Variants in ZRANB1 observed in about 807,000 individuals in gnomAD.
ZRANB1 encodes zinc finger RANBP2-type containing 1, also known as ubiquitin thioesterase ZRANB1.
ZRANB1 carries 16 observed loss-of-function variants against 80.5 expected under a neutral mutation model. That is an observed-to-expected ratio of 0.20 (90% CI 0.13 to 0.30). The LOEUF is 0.30. Ranked by LOEUF, ZRANB1 falls within the 10% of genes least tolerant of loss-of-function variation. The pLI, the probability that ZRANB1 is intolerant of heterozygous loss-of-function variation, is 1.00. For missense variants in ZRANB1, 576 were observed against 862.6 expected (o/e 0.67, Z 4.16); for synonymous variants, 291 against 293.1 (o/e 0.99, Z 0.07).
At chr10:124,927,216 A>C in the ZRANB1 span, among the ~76,000 whole-genome samples, 3 of 152,136 alleles carry the variant, frequency 2.0e-5, no homozygotes, top group Non-Finnish European at 4.4e-5. Context: ...CGGCCTCCCA[A>C]AGTGCTGGGA....
chr10:124,978,920 C>T (rs1424426879), intron 5 of ZRANB1, among the ~76,000 whole-genome samples: 11 of 134,222 alleles, frequency 8.2e-5, no homozygotes, highest in East Asian at 4.5e-4. Flanking sequence ...AATTATCGGC[C>T]GGGCCTGGTG....
chr10:124,926,625 CT>C, the ZRANB1 span, among the ~76,000 whole-genome samples: 9 of 148,434 alleles, frequency 6.1e-5, no homozygotes, highest in South Asian at 2.1e-4. Flanking sequence ...TTACAGTAGA[CT>C]TTTTTTTTTA....
chr10:124,919,784 T>G, the ZRANB1 span, among the ~76,000 whole-genome samples: 2 of 149,234 alleles, frequency 1.3e-5, no homozygotes, highest in African/African-American at 4.9e-5. Flanking sequence ...GCTAATTTTT[T>G]GTATTTTTAG....
At chr10:124,941,815 A>G (rs1951538564), upstream of ZRANB1, among the ~76,000 whole-genome samples, 1 of 152,156 alleles carries the variant, frequency 6.6e-6, no homozygotes, top group Non-Finnish European at 1.5e-5. Flanking sequence ...AGATAGAACT[A>G]GATTTTGAGG....
intron 5 of ZRANB1, 126 bp from the exon 6 acceptor site, chr10:124,981,583 C>A: frequency 1.1e-6 from 1 of 928,806 alleles, no homozygotes; most frequent in Non-Finnish European, 1.5e-6. Flanking sequence ...ACCAACCAGA[C>A]AAAATAAAAT....
chr10:124,947,885 G>A (rs182051765), intron 1 of ZRANB1, among the ~76,000 whole-genome samples: 206 of 152,242 alleles, frequency 1.4e-3, no homozygotes, highest in African/African-American at 4.6e-3. Context: ...ACAATCTGCT[G>A]TCATCAGAGG....
Position 124,972,153 on chromosome 10 carries a change from A to G in ZRANB1, c.1156+35A>G. On this transcript the variant is annotated intron_variant, in intron 3 of 8. Coordinates refer to ENST00000359653, the MANE Select transcript of ZRANB1 (RefSeq NM_017580.3). ...AAATCTAACGTAAAAAGACTTTTTT[A>G]TTTTATTATAGTTACATTTGTGTAT... The G allele has an allele frequency of 1.9e-6, 3 of 1,595,688 alleles. No individual in the cohort carries two copies. The South Asian group carries it at 3.4e-5, about 18-fold the overall frequency.
the ZRANB1 span, among the ~76,000 whole-genome samples, chr10:124,928,716 G>T: frequency 6.6e-6 from 1 of 152,188 alleles, no homozygotes; most frequent in Non-Finnish European, 1.5e-5. Flanking sequence ...TTCTATTTAC[G>T]CTCTAGTGTG....
chr10:124,943,338 G>A, intron 1 of ZRANB1, 31 bp downstream of exon 1: 1 of 1,581,972 alleles, frequency 6.3e-7, no homozygotes. Context: ...TTTTTTGCGT[G>A]GGATGGGAAA....
the ZRANB1 span, among the ~76,000 whole-genome samples, chr10:124,917,511 C>T: frequency 1.3e-5 from 2 of 152,142 alleles, no homozygotes; most frequent in Non-Finnish European, 2.9e-5. Flanking sequence ...GCTTGTTTAC[C>T]GACCGCCGGC....
chr10:124,961,356 A>G (rs1288183214), intron 1 of ZRANB1, among the ~76,000 whole-genome samples: 1 of 152,166 alleles, frequency 6.6e-6, no homozygotes, highest in Non-Finnish European at 1.5e-5. Flanking sequence ...GAATATTTTC[A>G]GTAATGTTTT....
At chr10:124,961,281 C>T in intron 1 of ZRANB1, among the ~76,000 whole-genome samples, 1 of 152,202 alleles carries the variant, frequency 6.6e-6, no homozygotes. Flanking sequence ...GCTAGGATTA[C>T]AGGCGTGAGC....
At chr10:124,945,167 C>T (rs976669441) in intron 1 of ZRANB1, 1 of 152,194 alleles carries the variant, frequency 6.6e-6, no homozygotes, top group Non-Finnish European at 1.5e-5. Context: ...TGTGTAACCA[C>T]TACCTCTGTG....
chr10:124,954,450 T>C (rs1364079620), intron 1 of ZRANB1, among the ~76,000 whole-genome samples: 1 of 150,764 alleles, frequency 6.6e-6, no homozygotes, highest in Non-Finnish European at 1.5e-5. Flanking sequence ...TTAAAAGTTT[T>C]TTTTTTTTTT....
At chr10:124,940,872 G>A (rs546609503), upstream of ZRANB1, among the ~76,000 whole-genome samples, 2 of 152,090 alleles carry the variant, frequency 1.3e-5, no homozygotes, top group Non-Finnish European at 2.9e-5. Flanking sequence ...GGCTACTTGG[G>A]AGGCTGAGGC....
In ZRANB1 at chr10:124,957,731, C is replaced by CTT. The variant is rs1004237882; in HGVS notation, c.815-8852_815-8851dup. On this transcript the variant is annotated intron_variant, in intron 1 of 8. Coordinates refer to ENST00000359653, the MANE Select transcript of ZRANB1 (RefSeq NM_017580.3). ...TGTGATCTGGGTCAGAATTTCCTTC[C>CTT]TTTTTTTTTTTTCGAGAGGAAGTTT... 3.4e-5 allele frequency among the ~76,000 whole-genome samples: 5 copies of CTT among 145,420 alleles called. 1 individual carries two copies. The South Asian group carries it at 8.7e-4, about 25-fold the overall frequency.
intron 1 of ZRANB1, among the ~76,000 whole-genome samples, chr10:124,950,366 C>T (rs1490168749): frequency 6.6e-6 from 1 of 152,104 alleles, no homozygotes; most frequent in East Asian, 1.9e-4. Flanking sequence ...TCAAGCAGCC[C>T]GCCCGCCTCG....
chr10:124,939,766 T>C (rs574658337), upstream of ZRANB1, among the ~76,000 whole-genome samples: 1 of 152,322 alleles, frequency 6.6e-6, no homozygotes, highest in African/African-American at 2.4e-5. Context: ...AAGTAACTTA[T>C]ATTTCATTCC....
intron 1 of ZRANB1, among the ~76,000 whole-genome samples, chr10:124,954,140 G>GT (rs55962412): frequency 0.037 from 1,968 of 52,566 alleles, 377 homozygotes; most frequent in African/African-American, 0.08. Context: ...GCTAATTCCT[G>GT]TTTTTTTTTT....
Sources: allele counts gnomAD v4.1 joint callset (sites outside exome capture counted in the v4.1 genomes callset), GRCh38; gene constraint gnomAD v4.1.1; transcripts MANE v1.5; gene names NCBI Gene and HGNC (gene_info 2026-07-23, HGNC 2026-07-21).